PPA2: variants seen among roughly 807,000 people sequenced by gnomAD.
The protein encoded by PPA2 is inorganic pyrophosphatase 2.
In PPA2, 48 loss-of-function variants were observed where a neutral mutation model predicts 49.5. The ratio of observed to expected loss-of-function variants is 0.97; its 90% confidence interval spans 0.77 to 1.23. PPA2 has a LOEUF of 1.23. Ranked by LOEUF, PPA2 falls within the 50% of genes most tolerant of loss-of-function variation. The probability of loss-of-function intolerance (pLI) is 0.00; values close to 1 mark genes in which losing one functional copy is unlikely to be tolerated. For missense variants in PPA2, 429 were observed against 410.1 expected (o/e 1.05, Z -0.40); for synonymous variants, 131 against 139.9 (o/e 0.94, Z 0.45).
At chr4:105,457,639 T>A (rs1331008960) in intron 1 of PPA2, among the ~76,000 whole-genome samples, 1 of 152,126 alleles carries the variant, frequency 6.6e-6, no homozygotes, top group Non-Finnish European at 1.5e-5. Flanking sequence ...AGTGGCATGA[T>A]CATGGCTCAC....
chr4:105,431,136 G>A (rs1202681336), intron 6 of PPA2, among the ~76,000 whole-genome samples: 1 of 152,010 alleles, frequency 6.6e-6, no homozygotes, highest in African/African-American at 2.4e-5. Flanking sequence ...AACATTTGGG[G>A]GTGATAAATA....
intron 2 of PPA2, chr4:105,456,408 A>T: frequency 2.3e-6 from 1 of 431,314 alleles, no homozygotes; most frequent in Non-Finnish European, 4.3e-6. Context: ...ACCTCTTGGT[A>T]ATTTCCTAAA....
intron 9 of PPA2, 35 bp from the exon 10 acceptor site, chr4:105,386,671 G>A: frequency 1.3e-6 from 2 of 1,577,960 alleles, no homozygotes; most frequent in Non-Finnish European, 1.7e-6. Context: ...TATTAAACAG[G>A]ATAAAAAGAA....
Position 105,456,695 on chromosome 4 carries a change from C to T in PPA2, c.208G>A (p.Val70Met). 6.2e-7 allele frequency: 1 copy of T among 1,605,802 alleles called. No homozygotes were observed. Among genetic ancestry groups the T allele is most frequent in the Non-Finnish European group, 8.5e-7 (1 of 1,174,508 alleles). ...ISPFHDIPLK[V>M]NSKEENGIPM... Reference sequence around the variant, plus strand: ...CAAAACAATACCTCTTTAGAGTTCACCTTCAGAGGAATATCATGAAAGGGG... The same window carrying T: ...CAAAACAATACCTCTTTAGAGTTCATCTTCAGAGGAATATCATGAAAGGGG... The change falls in exon 2 of 12, where the codon GTG becomes ATG. Residue 70 changes from valine to methionine, a missense_variant. Coordinates refer to ENST00000341695, the MANE Select transcript of PPA2 (RefSeq NM_176869.3).
intron 5 of PPA2, among the ~76,000 whole-genome samples, chr4:105,444,482 A>C (rs1025710234): frequency 7.9e-5 from 12 of 152,308 alleles, no homozygotes; most frequent in Admixed American, 1.3e-4. Context: ...CAGGGTGAAT[A>C]ATGAATTAAG....
intron 1 of PPA2, among the ~76,000 whole-genome samples, chr4:105,469,629 A>T (rs1265364639): frequency 6.6e-6 from 1 of 152,228 alleles, no homozygotes; most frequent in Non-Finnish European, 1.5e-5. Context: ...GAGCCTAAAA[A>T]CTTCAATAAA....
At chr4:105,433,011 G>A (rs1723882698) in intron 6 of PPA2, among the ~76,000 whole-genome samples, 1 of 152,184 alleles carries the variant, frequency 6.6e-6, no homozygotes, top group Admixed American at 6.5e-5. Flanking sequence ...GAATAAATGA[G>A]ATAATTCTTA....
intron 1 of PPA2, among the ~76,000 whole-genome samples, chr4:105,458,268 G>A (rs1346399386): frequency 1.3e-5 from 2 of 152,142 alleles, no homozygotes; most frequent in Non-Finnish European, 2.9e-5. Context: ...ACAGAAAAAT[G>A]ACATTAGTGG....
intron 10 of PPA2, among the ~76,000 whole-genome samples, chr4:105,378,104 C>A (rs1364028500): frequency 6.6e-6 from 1 of 152,092 alleles, no homozygotes; most frequent in Non-Finnish European, 1.5e-5. Context: ...ATACATTTAA[C>A]TTTTCAAGAA....
chr4:105,453,658 T>C lies in PPA2; in HGVS notation c.223-16A>G, dbSNP rs1459409511. On this transcript the variant is annotated splice_polypyrimidine_tract_variant and intron_variant, in intron 2 of 11. Transcript: ENST00000341695. ...TGCCATTTTCCTATAAAAGAAAAGA[T>C]GGTGAAAGACTGCAATATTTCATGA... The C allele has an allele frequency of 1.9e-6, 3 of 1,599,280 alleles. No individual in the cohort carries two copies. In the East Asian group the frequency reaches 6.7e-5, roughly 36 times the overall value.
At chr4:105,454,302 CTGTTGTTGTTGTTGTTGT>C (rs111229489) in intron 2 of PPA2, among the ~76,000 whole-genome samples, 24 of 146,280 alleles carry the variant, frequency 1.6e-4, no homozygotes, top group Admixed American at 2.7e-4. Context: ...TTTGCTGCTG[CTGTTGTTGTTGTTGTTGT>C]TGTTGTTGTT....
At chr4:105,471,724 T>A (rs1004657317) in intron 1 of PPA2, among the ~76,000 whole-genome samples, 1 of 152,042 alleles carries the variant, frequency 6.6e-6, no homozygotes, top group African/African-American at 2.4e-5. Flanking sequence ...CACTTTGCCC[T>A]ACCCCTTCTA....
chr4:105,401,704 G>A (rs1722199990), intron 7 of PPA2, among the ~76,000 whole-genome samples: 1 of 152,134 alleles, frequency 6.6e-6, no homozygotes, highest in African/African-American at 2.4e-5. Flanking sequence ...ATCTGGAAAA[G>A]CTATATATGT....
intron 7 of PPA2, among the ~76,000 whole-genome samples, chr4:105,413,933 AT>A (rs1722879043): frequency 6.6e-6 from 1 of 152,240 alleles, no homozygotes; most frequent in Admixed American, 6.5e-5. Flanking sequence ...TCAATATAGC[AT>A]CTCTGCAAAT....
At chr4:105,377,727 C>A (rs1323216437) in intron 10 of PPA2, among the ~76,000 whole-genome samples, 1 of 152,072 alleles carries the variant, frequency 6.6e-6, no homozygotes, top group Non-Finnish European at 1.5e-5. Context: ...TCCTGGCTCT[C>A]TCTGATCTGG....
intron 1 of PPA2, among the ~76,000 whole-genome samples, chr4:105,471,893 G>T (rs1243258579): frequency 1.3e-5 from 2 of 151,996 alleles, no homozygotes; most frequent in African/African-American, 2.4e-5. Flanking sequence ...AGTAAAATCG[G>T]GTTTTCTTCT....
rs56205774 is a variant in PPA2 at position 105,469,864 on chromosome 4, C to T, written c.157+4030G>A. 4.7e-3 allele frequency among the ~76,000 whole-genome samples: 720 copies of T among 152,300 alleles called. 6 individuals are homozygous for T. Among genetic ancestry groups the T allele is most frequent in the African/African-American group, 0.015 (627 of 41,562 alleles). On this transcript the variant is annotated intron_variant, in intron 1 of 11. Coordinates refer to ENST00000341695, the MANE Select transcript of PPA2 (RefSeq NM_176869.3). ...ACTCAAACAAATTTTGTGGATTATT[C>T]ACGGGAAGTTCTCTTTTAAGTCCAA...
chr4:105,370,322 A>T (rs1732971364), intron 11 of PPA2, among the ~76,000 whole-genome samples: 1 of 152,206 alleles, frequency 6.6e-6, no homozygotes, highest in African/African-American at 2.4e-5. Context: ...ATCTTGCAAT[A>T]TTTTGAAAGA....
intron 7 of PPA2, among the ~76,000 whole-genome samples, chr4:105,416,167 T>C (rs1330730654): frequency 2.0e-5 from 3 of 152,214 alleles, no homozygotes; most frequent in Admixed American, 2.0e-4. Context: ...TCCATCCGCT[T>C]TCACAAATTG....
Sources: gnomAD v4.1 joint callset for allele counts (sites outside exome capture counted in the v4.1 genomes callset) on GRCh38, gnomAD v4.1.1 for gene constraint, MANE v1.5 for transcripts, NCBI Gene and HGNC (gene_info 2026-07-23, HGNC 2026-07-21) for gene names.